The following LAMB1 variants were observed in gnomAD, a reference collection of about 807,000 sequenced individuals.
The protein encoded by LAMB1 is laminin subunit beta-1.
In LAMB1, 121 loss-of-function variants were observed where a neutral mutation model predicts 222.3. That is an observed-to-expected ratio of 0.54 (90% CI 0.47 to 0.63). The LOEUF is 0.63. Ranked by LOEUF, LAMB1 falls within the 30% of genes least tolerant of loss-of-function variation. The pLI is 0.00. For missense variants in LAMB1, 2,172 were observed against 2,240.8 expected (o/e 0.97, Z 0.62); for synonymous variants, 794 against 807.2 (o/e 0.98, Z 0.28).
In LAMB1 at chr7:107,931,483, CAG is replaced by C. The variant is rs1275076337; in HGVS notation, c.4408_4409del (p.Leu1470GlufsTer4). 1.2e-6 allele frequency: 2 copies of C among 1,613,402 alleles called. No homozygotes were observed. The highest frequency in any genetic ancestry group is 1.7e-6 in the Non-Finnish European group (2 of 1,179,862). ...QLSKMVSEAK[L>X]RADEAKQSAE... ...CACTTTGTTTTGCCTCATCTGCCCTCAGTTTTGCTTCAGAGACCTAAATATGA... is the reference window on the plus strand; with the variant it reads ...CACTTTGTTTTGCCTCATCTGCCCTCTTTTGCTTCAGAGACCTAAATATGA... On this transcript the variant is annotated frameshift_variant, in exon 29 of 34. Transcript: ENST00000222399. LOFTEE classifies it high-confidence loss of function.
In LAMB1 at chr7:108,001,630, T is replaced by G. The variant is rs1207256437; in HGVS notation, c.141A>C (p.Ala47=). The change falls in exon 3 of 34, where the codon GCA becomes GCC. Residue 47 remains alanine, a synonymous_variant. Transcript: ENST00000222399. ...PATGDLLIGR[A]QKLSVTSTCG... ...ACGTCGAGGTCACCGAAAGCTTCTG[T>G]GCTCGGCCGATGAGAAGGTCGCCCG... The G allele has an allele frequency of 6.2e-7, 1 of 1,613,278 alleles. No homozygotes were observed.
rs1183734191 is a variant in LAMB1 at position 107,997,775 on chromosome 7, T to C, written c.349+582A>G. ...GTAAAATCATATTTGATGAATGTAT[T>C]ACACCAAATCCCAAATAGCAAAGAC... On this transcript the variant is annotated intron_variant, in intron 4 of 33. Coordinates refer to ENST00000222399, the MANE Select transcript of LAMB1 (RefSeq NM_002291.3). 2.0e-5 allele frequency among the ~76,000 whole-genome samples: 3 copies of C among 152,330 alleles called. No homozygotes were observed. In the South Asian group the frequency reaches 6.2e-4, roughly 32 times the overall value.
intron 25 of LAMB1, among the ~76,000 whole-genome samples, chr7:107,938,416 A>G (rs547405503): frequency 3.9e-4 from 60 of 151,988 alleles, no homozygotes; most frequent in African/African-American, 1.4e-3. Flanking sequence ...AAATGATACA[A>G]TTTTTTTTAA....
intron 13 of LAMB1, among the ~76,000 whole-genome samples, chr7:107,967,394 C>T (rs551611029): frequency 1.3e-5 from 2 of 152,330 alleles, no homozygotes; most frequent in East Asian, 1.9e-4. Flanking sequence ...TCCTCTTCTG[C>T]CTAGTCCATC....
chr7:107,929,782 G>C, intron 29 of LAMB1, 163 bp from the exon 30 acceptor site: 3 of 533,764 alleles, frequency 5.6e-6, no homozygotes, highest in South Asian at 2.9e-5. Flanking sequence ...GATTTTGAGG[G>C]GAGATGAGAC....
intron 27 of LAMB1, among the ~76,000 whole-genome samples, chr7:107,935,172 G>C (rs1377771105): frequency 1.3e-5 from 2 of 151,822 alleles, no homozygotes; most frequent in African/African-American, 4.8e-5. Context: ...TTTAGTTGAG[G>C]ACCACAGAGA....
At chr7:107,942,778 T>C (rs1392536239) in intron 24 of LAMB1, 1 of 152,226 alleles carries the variant, frequency 6.6e-6, no homozygotes. Flanking sequence ...AGTCTTCTGC[T>C]AAGAGTGATG....
intron 16 of LAMB1, 47 bp from the exon 17 acceptor site, chr7:107,961,376 T>G (rs758035446): frequency 1.3e-6 from 2 of 1,599,664 alleles, no homozygotes; most frequent in Non-Finnish European, 1.7e-6. Flanking sequence ...TCAACCTTCA[T>G]GCATCCAAAA....
At position 107,950,591 on chromosome 7, in the gene LAMB1, T is replaced by G. The variant is rs144415115; in HGVS notation, c.3391+635A>C. On this transcript the variant is annotated intron_variant, in intron 24 of 33. Transcript: ENST00000222399. ...TTAATCATAAGCTTAGGTGAAAATC[T>G]GGGTTTTATTCACATTAAACTGACT... Among the ~76,000 whole-genome samples the G allele has an allele frequency of 9.9e-3, 1,512 of 152,336 alleles. 12 individuals carry two copies. Among genetic ancestry groups the G allele is most frequent in the Middle Eastern group, 0.017 (5 of 294 alleles).
At chr7:107,986,617 C>T (rs551522939) in intron 5 of LAMB1, among the ~76,000 whole-genome samples, 3 of 152,264 alleles carry the variant, frequency 2.0e-5, no homozygotes, top group East Asian at 3.9e-4. Context: ...TCTTTAGAAG[C>T]TGATTATAAA....
chr7:107,933,603 G>GGA (rs2032763591), intron 27 of LAMB1, among the ~76,000 whole-genome samples: 1 of 143,844 alleles, frequency 7.0e-6, no homozygotes, highest in African/African-American at 2.5e-5. Flanking sequence ...GGCAGACATG[G>GGA]AAAAAAAAAA....
intron 13 of LAMB1, among the ~76,000 whole-genome samples, chr7:107,966,645 T>C (rs2033643037): frequency 6.6e-6 from 1 of 152,222 alleles, no homozygotes; most frequent in Non-Finnish European, 1.5e-5. Flanking sequence ...CATTACATCA[T>C]ATGGACAAAA....
chr7:107,998,472 T>A lies in LAMB1; in HGVS notation c.234A>T (p.Ile78=), dbSNP rs529426937. The change falls in exon 4 of 34, where the codon ATA becomes ATT. Residue 78 remains isoleucine (I), a synonymous_variant. Coordinates refer to ENST00000222399, the MANE Select transcript of LAMB1 (RefSeq NM_002291.3). ...CATGATAAGGATCTTGGGAATTGCA[T>A]ATGAAGCATTTTTTGTCCTCCTACA... is the stretch of plus-strand genomic sequence containing the variant. ...SHLQEDKKCF[I]CNSQDPYHET... The A allele has an allele frequency of 2.0e-5, 32 of 1,613,864 alleles. No individual in the cohort carries two copies. In the African/African-American group the frequency reaches 3.2e-4, roughly 16 times the overall value.
In LAMB1 at chr7:107,980,628, T is replaced by C. The variant is rs984431430; in HGVS notation, c.860A>G (p.Asn287Ser). ...ACTTACCATTCCTTCCACTTCTTCATTGAATCCATCCACAGGGGCACATTC... is the reference window on the plus strand; with the variant it reads ...ACTTACCATTCCTTCCACTTCTTCACTGAATCCATCCACAGGGGCACATTC... ...ASECAPVDGFNEEVEGMVHGH... is the reference protein window; with the variant it reads ...ASECAPVDGFSEEVEGMVHGH... Residue 287 changes from asparagine (N) to serine (S), a missense_variant, in exon 8 of 34, where the codon AAT becomes AGT. By Grantham distance (46) the Asn-to-Ser change is conservative. Transcript: ENST00000222399. The C allele has an allele frequency of 2.4e-5, 38 of 1,613,936 alleles. No individual in the cohort carries two copies. Among genetic ancestry groups the C allele is most frequent in the East Asian group, 2.0e-4 (9 of 44,894 alleles).
rs1366127150 is a variant in LAMB1 at position 107,980,571 on chromosome 7, C to T, written c.879+38G>A. 2.6e-6 allele frequency: 4 copies of T among 1,511,898 alleles called. No individual in the cohort carries two copies. In the African/African-American group the frequency reaches 5.5e-5, roughly 21 times the overall value. The allele number at this position is 1,511,898 out of a possible 1,614,324, so 93.7% of individuals were successfully genotyped here. On this transcript the variant is annotated intron_variant, in intron 8 of 33. Coordinates refer to ENST00000222399, the MANE Select transcript of LAMB1 (RefSeq NM_002291.3). ...GCTTCACTTTGCATTTTATTACCAG[C>T]CACATAAAGGAGAAAGGTGCACAGA...
chr7:107,935,466 A>G lies in LAMB1; in HGVS notation c.4137T>C (p.Asp1379=). ...GGCTTTGTAGCTTGCCTGCCAGTTC[A>G]TCAAGGAGGCGAGCCTGCTCCTCTT... ...EKQEEQARLL[D]ELAGKLQSLD... is the part of the protein sequence containing the mutation. Residue 1379 remains aspartate, a synonymous_variant, in exon 27 of 34, where the codon GAT becomes GAC. Coordinates refer to ENST00000222399, the MANE Select transcript of LAMB1 (RefSeq NM_002291.3). 1.2e-6 allele frequency: 2 copies of G among 1,608,252 alleles called. No individual in the cohort carries two copies. The highest frequency in any genetic ancestry group is 1.7e-6 in the Non-Finnish European group (2 of 1,179,466).
At chr7:107,939,861 G>C in intron 25 of LAMB1, 128 bp downstream of exon 25, 1 of 1,089,374 alleles carries the variant, frequency 9.2e-7, no homozygotes, top group Non-Finnish European at 1.3e-6. Flanking sequence ...AAATGGCTCA[G>C]AATCTGTTCT....
At chr7:107,997,960 G>A (rs1584544485) in intron 4 of LAMB1, among the ~76,000 whole-genome samples, 2 of 152,032 alleles carry the variant, frequency 1.3e-5, no homozygotes, top group Admixed American at 6.5e-5. Flanking sequence ...GGCAGTGGGG[G>A]GAGGAGTGGG....
chr7:107,926,044 G>A lies in LAMB1; in HGVS notation c.5064+139C>T, dbSNP rs574719852. 8.0e-4 allele frequency: 503 copies of A among 631,368 alleles called. 6 individuals carry two copies. In the South Asian group the frequency reaches 0.01, roughly 13 times the overall value. The allele number at this position is 631,368 out of a possible 1,614,324, so 39.1% of individuals were successfully genotyped here. A position where few individuals can be genotyped will look rare whatever the true frequency, so the allele number is the denominator to read the frequency against. On this transcript the variant is annotated intron_variant, in intron 32 of 33. Coordinates refer to ENST00000222399, the MANE Select transcript of LAMB1 (RefSeq NM_002291.3). ...TTTCCCATCCACACTTCTAAAGACG[G>A]CTGTTGCAAAACAGGTCATTTGATA... is the stretch of plus-strand genomic sequence containing the variant.
Sources: allele counts gnomAD v4.1 joint callset (sites outside exome capture counted in the v4.1 genomes callset), GRCh38; gene constraint gnomAD v4.1.1; transcripts MANE v1.5; gene names NCBI Gene and HGNC (gene_info 2026-07-23, HGNC 2026-07-21).